The following GRIN2B variants were observed in gnomAD, a reference collection of about 807,000 sequenced individuals.
GRIN2B encodes glutamate ionotropic receptor NMDA type subunit 2B.
In GRIN2B, 5 loss-of-function variants were observed where a neutral mutation model predicts 114.5. That is an observed-to-expected ratio of 0.04 (90% CI 0.02 to 0.09). The LOEUF is 0.09. GRIN2B is among the 10% of genes least tolerant of loss of function. GRIN2B has a pLI of 1.00. For synonymous variants in GRIN2B, 787 were observed against 745.1 expected (o/e 1.06, Z -0.92); for missense variants, 1,108 against 1,943.5 (o/e 0.57, Z 8.08).
chr12:13,697,180 C>T (rs1223500069), intron 4 of GRIN2B, among the ~76,000 whole-genome samples: 1 of 152,074 alleles, frequency 6.6e-6, no homozygotes, highest in African/African-American at 2.4e-5. Context: ...TCTGAGTTGC[C>T]ATGAATTACT....
At chr12:13,804,135 A>G (rs1591741203) in intron 3 of GRIN2B, among the ~76,000 whole-genome samples, 1 of 147,156 alleles carries the variant, frequency 6.8e-6, no homozygotes, top group South Asian at 2.2e-4. Flanking sequence ...ATCTCACTGT[A>G]CCTTGTCATT....
chr12:13,690,947 C>T (rs1950211502), intron 4 of GRIN2B, among the ~76,000 whole-genome samples: 3 of 152,046 alleles, frequency 2.0e-5, no homozygotes, highest in South Asian at 2.1e-4. Context: ...TTACTTATAA[C>T]ATTGAGATGA....
chr12:13,734,853 A>C (rs887739766), intron 4 of GRIN2B, among the ~76,000 whole-genome samples: 1 of 152,186 alleles, frequency 6.6e-6, no homozygotes, highest in Non-Finnish European at 1.5e-5. Flanking sequence ...CCTTCCAGGG[A>C]AATTGAAAGA....
chr12:13,974,925 A>T (rs576604431), intron 2 of GRIN2B, among the ~76,000 whole-genome samples: 76 of 152,356 alleles, frequency 5.0e-4, no homozygotes, highest in Admixed American at 9.8e-4. Context: ...ACTAAAAAGC[A>T]GGAGGACATA....
At position 13,836,270 on chromosome 12, in the gene GRIN2B, G is replaced by A. The variant is rs1389712949; in HGVS notation, c.411+29528C>T. Among the ~76,000 whole-genome samples the A allele has an allele frequency of 2.0e-5, 3 of 152,192 alleles. No homozygotes were observed. The East Asian group carries it at 5.8e-4, about 29-fold the overall frequency. On this transcript the variant is annotated intron_variant, in intron 3 of 13. Transcript: ENST00000609686. ...GGGCATGTGATCTTGTGCCGTTGGGGAAGTGAACCCAGCAGTCCTGAGGGC... is the reference window on the plus strand; with the variant it reads ...GGGCATGTGATCTTGTGCCGTTGGGAAAGTGAACCCAGCAGTCCTGAGGGC...
chr12:13,815,410 C>A (rs573618637), intron 3 of GRIN2B, among the ~76,000 whole-genome samples: 4 of 151,630 alleles, frequency 2.6e-5, no homozygotes. Context: ...CTTCTGACAC[C>A]GTAACAACAA....
At chr12:13,586,899 C>T (rs1948932399) in intron 10 of GRIN2B, among the ~76,000 whole-genome samples, 1 of 152,168 alleles carries the variant, frequency 6.6e-6, no homozygotes, top group Admixed American at 6.5e-5. Context: ...ATATGAATTA[C>T]ATAACTGTCT....
chr12:13,885,699 T>A (rs1866144155), intron 2 of GRIN2B, among the ~76,000 whole-genome samples: 1 of 152,220 alleles, frequency 6.6e-6, no homozygotes, highest in African/African-American at 2.4e-5. Context: ...TCTACCAAGC[T>A]TCCTAAAAGA....
At chr12:13,607,229 T>C (rs1268245542) in intron 10 of GRIN2B, among the ~76,000 whole-genome samples, 4 of 97,430 alleles carry the variant, frequency 4.1e-5, no homozygotes, top group South Asian at 2.5e-4. Context: ...ATAAAATATA[T>C]AATATATATT....
intron 2 of GRIN2B, among the ~76,000 whole-genome samples, chr12:13,957,070 T>C (rs1004170152): frequency 2.6e-5 from 4 of 152,126 alleles, no homozygotes; most frequent in African/African-American, 9.7e-5. Context: ...AGCAGAATAG[T>C]GAACAAGAAA....
intron 4 of GRIN2B, among the ~76,000 whole-genome samples, chr12:13,742,788 T>C (rs1863309120): frequency 6.6e-6 from 1 of 152,220 alleles, no homozygotes; most frequent in Admixed American, 6.5e-5. Context: ...TAAACTAAGC[T>C]ATATTTCCCA....
intron 2 of GRIN2B, among the ~76,000 whole-genome samples, chr12:13,900,612 C>T (rs557901066): frequency 4.6e-5 from 7 of 152,204 alleles, no homozygotes; most frequent in Admixed American, 2.0e-4. Context: ...ATATTATAAC[C>T]TTCTCCCTCA....
intron 2 of GRIN2B, among the ~76,000 whole-genome samples, chr12:13,930,035 T>C (rs1334635176): frequency 1.3e-5 from 2 of 151,848 alleles, no homozygotes; most frequent in African/African-American, 4.8e-5. Context: ...AACACAAAAA[T>C]TAGCTGGGCA....
intron 3 of GRIN2B, among the ~76,000 whole-genome samples, chr12:13,783,792 T>C (rs1864166115): frequency 6.6e-6 from 1 of 152,196 alleles, no homozygotes; most frequent in South Asian, 2.1e-4. Context: ...GCAGCAGAAC[T>C]CTACAATCTA....
chr12:13,851,718 G>A (rs1021791151), intron 3 of GRIN2B, among the ~76,000 whole-genome samples: 5 of 151,970 alleles, frequency 3.3e-5, no homozygotes, highest in Non-Finnish European at 5.9e-5. Context: ...TAACTCCTTC[G>A]TTCTCACCAT....
At chr12:13,897,970 C>G (rs1866379763) in intron 2 of GRIN2B, among the ~76,000 whole-genome samples, 3 of 147,472 alleles carry the variant, frequency 2.0e-5, no homozygotes, top group Non-Finnish European at 3.0e-5. Context: ...TGCACATGTA[C>G]CCTAAAACTT....
At chr12:13,784,497 C>CT (rs1864187809) in intron 3 of GRIN2B, among the ~76,000 whole-genome samples, 1 of 152,066 alleles carries the variant, frequency 6.6e-6, no homozygotes, top group Non-Finnish European at 1.5e-5. Context: ...GATGGCCTCC[C>CT]TGTGTCCACC....
chr12:13,602,956 C>T (rs910815428), intron 10 of GRIN2B, among the ~76,000 whole-genome samples: 1 of 152,164 alleles, frequency 6.6e-6, no homozygotes, highest in Non-Finnish European at 1.5e-5. Flanking sequence ...CCCTGGAGAG[C>T]CCAATGGTCA....
chr12:13,975,823 T>TG (rs1315265562), intron 2 of GRIN2B, among the ~76,000 whole-genome samples: 9 of 152,200 alleles, frequency 5.9e-5, no homozygotes, highest in African/African-American at 1.7e-4. Flanking sequence ...CATGAGCACA[T>TG]GCTGGTGAAG....
Sources: allele counts gnomAD v4.1 joint callset (sites outside exome capture counted in the v4.1 genomes callset), GRCh38; gene constraint gnomAD v4.1.1; transcripts MANE v1.5; gene names NCBI Gene and HGNC (gene_info 2026-07-23, HGNC 2026-07-21).